The following CD96 variants were observed in gnomAD, a reference collection of about 807,000 sequenced individuals.
The protein encoded by CD96 is CD96 molecule.
CD96 carries 70 observed loss-of-function variants against 71.3 expected under a neutral mutation model. The observed-to-expected ratio is 0.98, with a 90% CI of 0.81 to 1.20. The LOEUF (loss-of-function observed/expected upper bound fraction) is 1.20. Among genes scored for constraint, CD96 ranks in the 50% most tolerant of loss-of-function variants. The pLI is 0.00. For missense variants in CD96, 742 were observed against 677.5 expected (o/e 1.10, Z -1.06); for synonymous variants, 248 against 233.0 (o/e 1.06, Z -0.59).
chr3:111,553,771 T>C (rs140947740), intron 2 of CD96, among the ~76,000 whole-genome samples: 48 of 152,166 alleles, frequency 3.2e-4, no homozygotes, highest in African/African-American at 8.7e-4. Context: ...AAGTATTTTA[T>C]GTTAAGTATC....
intron 2 of CD96, among the ~76,000 whole-genome samples, chr3:111,566,363 G>T (rs1458545603): frequency 6.6e-6 from 1 of 151,990 alleles, no homozygotes; most frequent in African/African-American, 2.4e-5. Context: ...AACTGAAAGA[G>T]CATAATGATT....
In CD96 at chr3:111,623,738, T is replaced by G. The variant is rs760651305; in HGVS notation, c.1181-16T>G. On this transcript the variant is annotated splice_polypyrimidine_tract_variant and intron_variant, in intron 8 of 13. Transcript: ENST00000352690. ...TAAATACATATAATAATTTGGGAAT[T>G]TTATTTTCAAAATAGGATATCCAGC... is the stretch of plus-strand genomic sequence containing the variant. 3 of 1,572,896 alleles carry G rather than the reference T, an allele frequency of 1.9e-6. No individual in the cohort carries two copies. The African/African-American group carries it at 4.0e-5, about 21-fold the overall frequency.
At chr3:111,578,517 T>C (rs1362536628) in intron 3 of CD96, among the ~76,000 whole-genome samples, 2 of 152,160 alleles carry the variant, frequency 1.3e-5, no homozygotes, top group Non-Finnish European at 2.9e-5. Flanking sequence ...AACATTTCAC[T>C]TGCAAGACTT....
chr3:111,581,974 C>G (rs1429135416), intron 4 of CD96, among the ~76,000 whole-genome samples: 1 of 152,132 alleles, frequency 6.6e-6, no homozygotes, highest in Non-Finnish European at 1.5e-5. Context: ...TCAGTTAGCA[C>G]CATAGGTTTA....
chr3:111,555,955 C>A (rs1176820009), intron 2 of CD96, among the ~76,000 whole-genome samples: 1 of 152,280 alleles, frequency 6.6e-6, no homozygotes, highest in Non-Finnish European at 1.5e-5. Flanking sequence ...TCATTTCTTT[C>A]AATCCTTTTT....
rs747280072 is a variant in CD96, at chr3:111,545,061, C to T, written c.77C>T (p.Thr26Ile). 7.4e-6 allele frequency: 12 copies of T among 1,613,848 alleles called. 1 individual carries two copies. The Admixed American group carries it at 2.0e-4, about 27-fold the overall frequency. Residue 26 changes from threonine to isoleucine, a missense_variant, in exon 2 of 14, where the codon ACA (threonine) becomes ATA (isoleucine). By Grantham distance (89) the Thr-to-Ile change is moderately conservative. Coordinates refer to ENST00000352690, the MANE Select transcript of CD96 (RefSeq NM_005816.5). ...IHFVKGVWEK[T>I]VNTEENVYAT... is the part of the protein sequence containing the mutation. Reference sequence around the variant, plus strand: ...TTCTTTTCAGGAGTTTGGGAAAAAACAGTCAACACAGAAGAAAATGTTTAT... The same window carrying T: ...TTCTTTTCAGGAGTTTGGGAAAAAATAGTCAACACAGAAGAAAATGTTTAT...
chr3:111,655,398 A>T (rs1940204980), downstream of CD96, among the ~76,000 whole-genome samples: 1 of 152,210 alleles, frequency 6.6e-6, no homozygotes, highest in Admixed American at 6.5e-5. Context: ...GAAGAGAGAG[A>T]CATTTAAACA....
intron 12 of CD96, among the ~76,000 whole-genome samples, chr3:111,647,221 C>G (rs1364017001): frequency 6.6e-6 from 1 of 150,960 alleles, no homozygotes; most frequent in Non-Finnish European, 1.5e-5. Flanking sequence ...ACCCCTGAAC[C>G]TAAAATAGTG....
At chr3:111,562,610 G>T (rs185887139) in intron 2 of CD96, among the ~76,000 whole-genome samples, 2 of 152,312 alleles carry the variant, frequency 1.3e-5, no homozygotes, top group Admixed American at 6.5e-5. Context: ...CCACTTTATT[G>T]GTCCAGCCAT....
intron 14 of CD96, among the ~76,000 whole-genome samples, chr3:111,660,395 GC>G (rs1435409373): frequency 3.3e-5 from 5 of 152,138 alleles, no homozygotes; most frequent in Admixed American, 6.5e-5. Context: ...AACATGCCAT[GC>G]TCATAGATTG....
chr3:111,591,585 C>T (rs1370513951), intron 5 of CD96, among the ~76,000 whole-genome samples: 2 of 152,108 alleles, frequency 1.3e-5, no homozygotes, highest in Non-Finnish European at 2.9e-5. Flanking sequence ...TTAGGTATTA[C>T]AGCCTCCTTT....
intron 3 of CD96, among the ~76,000 whole-genome samples, chr3:111,570,179 G>T (rs1158804098): frequency 6.6e-6 from 1 of 152,214 alleles, no homozygotes; most frequent in African/African-American, 2.4e-5. Flanking sequence ...GTGGGGAGGG[G>T]GTAAGTGGGA....
intron 3 of CD96, among the ~76,000 whole-genome samples, chr3:111,578,261 A>T (rs895000904): frequency 1.3e-5 from 2 of 152,180 alleles, no homozygotes; most frequent in African/African-American, 4.8e-5. Context: ...AGGCACAGAG[A>T]GAATAATAGG....
At chr3:111,545,522 G>A (rs1007846954) in intron 2 of CD96, 120 bp downstream of exon 2, 12 of 734,584 alleles carry the variant, frequency 1.6e-5, no homozygotes, top group Non-Finnish European at 2.7e-5. Context: ...AGCAGAAAGA[G>A]CTACTGTCTG....
At chr3:111,568,353 G>A (rs1277570344) in intron 3 of CD96, among the ~76,000 whole-genome samples, 9 of 152,194 alleles carry the variant, frequency 5.9e-5, no homozygotes, top group Non-Finnish European at 1.3e-4. Flanking sequence ...GCAAAAATAA[G>A]TACTGGTCTA....
At chr3:111,577,625 T>C (rs1936278263) in intron 3 of CD96, 2 of 940,068 alleles carry the variant, frequency 2.1e-6, no homozygotes, top group African/African-American at 1.6e-5. Context: ...ACTATCTGTA[T>C]GTAAGACTGA....
chr3:111,561,538 G>A (rs1366597437), intron 2 of CD96, among the ~76,000 whole-genome samples: 5 of 148,110 alleles, frequency 3.4e-5, no homozygotes, highest in East Asian at 2.0e-4. Context: ...AGGGGTCAGG[G>A]ACCCACTTGA....
At chr3:111,665,141 T>C (rs1202180223) in intron 14 of CD96, among the ~76,000 whole-genome samples, 1 of 151,982 alleles carries the variant, frequency 6.6e-6, no homozygotes, top group Non-Finnish European at 1.5e-5. Flanking sequence ...GGTAAATTGT[T>C]AAAGACAGAT....
intron 8 of CD96, among the ~76,000 whole-genome samples, chr3:111,620,340 A>G (rs1938458714): frequency 6.6e-6 from 1 of 152,164 alleles, no homozygotes; most frequent in South Asian, 2.1e-4. Context: ...TGGTTAAACA[A>G]ACAAAAAAAA....
Sources: gnomAD v4.1 joint callset for allele counts (sites outside exome capture counted in the v4.1 genomes callset) on GRCh38, gnomAD v4.1.1 for gene constraint, MANE v1.5 for transcripts, NCBI Gene and HGNC (gene_info 2026-07-23, HGNC 2026-07-21) for gene names.